MAK16: variants seen among roughly 807,000 people sequenced by gnomAD.
The protein encoded by MAK16 is MAK16 homolog, also known as protein MAK16 homolog.
A neutral mutation model predicts 49.9 loss-of-function variants in MAK16; 12 were observed. The observed-to-expected ratio is 0.24, with a 90% CI of 0.15 to 0.39. The LOEUF is 0.39. Ranked by LOEUF, MAK16 falls within the 10% of genes least tolerant of loss-of-function variation. The probability of loss-of-function intolerance (pLI) is 1.00; values close to 1 mark genes in which losing one functional copy is unlikely to be tolerated. For synonymous variants in MAK16, 115 were observed against 126.4 expected (o/e 0.91, Z 0.60); for missense variants, 292 against 363.7 (o/e 0.80, Z 1.60).
intron 6 of MAK16, among the ~76,000 whole-genome samples, chr8:33,494,883 A>G (rs1006451268): frequency 6.6e-5 from 10 of 151,846 alleles, no homozygotes; most frequent in African/African-American, 2.2e-4. Flanking sequence ...GGTTCACACC[A>G]TTCTCCTGCC....
intron 7 of MAK16, among the ~76,000 whole-genome samples, chr8:33,496,420 A>G (rs924595131): frequency 2.6e-5 from 4 of 152,186 alleles, no homozygotes; most frequent in Non-Finnish European, 4.4e-5. Context: ...GAAGTTACCT[A>G]TTTGATACTA....
chr8:33,487,464 C>T (rs1489927997), intron 1 of MAK16, among the ~76,000 whole-genome samples: 2 of 149,912 alleles, frequency 1.3e-5, no homozygotes, highest in African/African-American at 2.5e-5. Flanking sequence ...CTCACTCTGT[C>T]GCCCAGGCTG....
chr8:33,486,823 T>C (rs765494209), intron 1 of MAK16, among the ~76,000 whole-genome samples: 2 of 152,198 alleles, frequency 1.3e-5, no homozygotes, highest in Non-Finnish European at 2.9e-5. Context: ...CTTGTGGATA[T>C]GTTAATATTT....
chr8:33,494,235 G>A lies in MAK16; in HGVS notation c.448-1307G>A, dbSNP rs544085248. On this transcript the variant is annotated intron_variant, in intron 6 of 9. Coordinates refer to ENST00000360128, the MANE Select transcript of MAK16 (RefSeq NM_032509.4). ...ATTACAGGCATACACCACTCTGCCC[G>A]GCTAATTTTTTGTGTTTTTAGTAGA... 8.5e-5 allele frequency among the ~76,000 whole-genome samples: 13 copies of A among 152,134 alleles called. No homozygotes were observed. In the South Asian group the frequency reaches 1.0e-3, roughly 12 times the overall value.
At chr8:33,487,654 C>G (rs1272919132) in intron 1 of MAK16, among the ~76,000 whole-genome samples, 1 of 147,492 alleles carries the variant, frequency 6.8e-6, no homozygotes, top group Non-Finnish European at 1.5e-5. Flanking sequence ...AACTCCCAAC[C>G]TCAAGTGATC....
intron 9 of MAK16, among the ~76,000 whole-genome samples, 167 bp downstream of exon 9, chr8:33,497,464 G>A (rs1016103603): frequency 6.6e-6 from 1 of 150,456 alleles, no homozygotes; most frequent in Non-Finnish European, 1.5e-5. Context: ...CCAGCCTGAA[G>A]AACATAGTGA....
At chr8:33,491,321 G>C (rs1375342356) in intron 6 of MAK16, among the ~76,000 whole-genome samples, 1 of 152,180 alleles carries the variant, frequency 6.6e-6, no homozygotes, top group African/African-American at 2.4e-5. Context: ...AGATGGTATG[G>C]TAGCTCTAGT....
rs763219050 is a variant in MAK16 at position 33,498,487 on chromosome 8, G to C, written c.761G>C (p.Ser254Thr). ...SDEDQDGKSS[S>T]EEEEEKALSA... Reference sequence around the variant, plus strand: ...GAAGATCAGGATGGTAAATCCTCCAGTGAGGAGGAGGAAGAAAAGGCCCTT... The same window carrying C: ...GAAGATCAGGATGGTAAATCCTCCACTGAGGAGGAGGAAGAAAAGGCCCTT... Residue 254 changes from serine to threonine, a missense_variant, in exon 10 of 10, where the codon AGT (serine) becomes ACT (threonine). By Grantham distance (58) the Ser-to-Thr change is moderately conservative. Transcript: ENST00000360128. The C allele has an allele frequency of 6.2e-7, 1 of 1,614,022 alleles. No homozygotes were observed. Among genetic ancestry groups the C allele is most frequent in the Admixed American group, 1.7e-5 (1 of 60,000 alleles).
chr8:33,492,682 G>A (rs751433151), intron 6 of MAK16, among the ~76,000 whole-genome samples: 13 of 152,042 alleles, frequency 8.6e-5, no homozygotes, highest in East Asian at 1.9e-4. Flanking sequence ...TTCGTGGCAC[G>A]TTTGTCGAAA....
At chr8:33,498,019 C>G (rs764823310) in intron 9 of MAK16, among the ~76,000 whole-genome samples, 1 of 151,130 alleles carries the variant, frequency 6.6e-6, no homozygotes, top group Non-Finnish European at 1.5e-5. Context: ...TCGCTTGAAC[C>G]TAGGAGATGG....
chr8:33,500,179 T>C lies in MAK16; in HGVS notation c.*1550T>C. The C allele has an allele frequency of 1.3e-6, 1 of 799,144 alleles. No homozygotes were observed. Among genetic ancestry groups the C allele is most frequent in the Non-Finnish European group, 2.0e-6 (1 of 509,028 alleles). The allele number at this position is 799,144 out of a possible 1,614,324, so 49.5% of individuals were successfully genotyped here. On this transcript the variant is annotated 3_prime_UTR_variant, in exon 10 of 10. Coordinates refer to ENST00000360128, the MANE Select transcript of MAK16 (RefSeq NM_032509.4). ...GAATAAGAAAAAAGATCAAGCTCTT[T>C]TGAGGCTAGAGGGCTCATATGGAGA...
intron 1 of MAK16, among the ~76,000 whole-genome samples, chr8:33,486,819 G>A (rs906757019): frequency 1.1e-4 from 17 of 152,202 alleles, no homozygotes; most frequent in African/African-American, 3.9e-4. Context: ...ACTCCTTGTG[G>A]ATATGTTAAT....
chr8:33,500,480 T>A lies in MAK16; in HGVS notation c.*1851T>A. ...AGGGCCTTCAGTAAGACCACAAGTC[T>A]GCAGGAAACTCTGGAATCAGGAAGA... On this transcript the variant is annotated 3_prime_UTR_variant, in exon 10 of 10. Coordinates refer to ENST00000360128, the MANE Select transcript of MAK16 (RefSeq NM_032509.4). 1 of 1,614,102 alleles carries A rather than the reference T, an allele frequency of 6.2e-7. No individual in the cohort carries two copies. Among genetic ancestry groups the A allele is most frequent in the Non-Finnish European group, 8.5e-7 (1 of 1,180,004 alleles).
intron 1 of MAK16, among the ~76,000 whole-genome samples, chr8:33,487,553 G>A (rs1808708065): frequency 6.6e-6 from 1 of 151,698 alleles, no homozygotes; most frequent in Admixed American, 6.6e-5. Flanking sequence ...AGCCTCTCAA[G>A]TAGCTGGGAT....
At chr8:33,492,635 C>T (rs1041553168) in intron 6 of MAK16, among the ~76,000 whole-genome samples, 3 of 152,140 alleles carry the variant, frequency 2.0e-5, no homozygotes, top group African/African-American at 7.2e-5. Context: ...TTTTCCAGCA[C>T]CATTTATTGA....
rs150544823 is a variant in MAK16, at chr8:33,488,856, T to C, written c.240+58T>C. ...GATCAAGAGCATCAAAGCCACATGCTTGACCATGATGCCCAATTCCATGAC... is the reference window on the plus strand; with the variant it reads ...GATCAAGAGCATCAAAGCCACATGCCTGACCATGATGCCCAATTCCATGAC... On this transcript the variant is annotated intron_variant, in intron 4 of 9. Transcript: ENST00000360128. The C allele has an allele frequency of 1.5e-4, 237 of 1,603,124 alleles. No homozygotes were observed. In the African/African-American group the frequency reaches 2.8e-3, roughly 19 times the overall value.
In MAK16 at chr8:33,488,415, C is replaced by G. The variant is rs1808721162; in HGVS notation, c.53C>G (p.Ser18Cys). The change falls in exon 2 of 10, where the codon TCC becomes TGC. Residue 18 changes from serine to cysteine, a missense_variant. Ser to Cys is a moderately radical substitution (Grantham distance 112). Coordinates refer to ENST00000360128, the MANE Select transcript of MAK16 (RefSeq NM_032509.4). ...WDTLGNKQFC[S>C]FKIRTKTQSF... ...ACACTAGGAAACAAGCAATTTTGTT[C>G]CTTCAAAATAAGGTGAGTCTCAATT... 6.2e-7 allele frequency: 1 copy of G among 1,614,112 alleles called. No homozygotes were observed. The highest frequency in any genetic ancestry group is 8.5e-7 in the Non-Finnish European group (1 of 1,180,014).
chr8:33,490,117 G>C (rs937656941), intron 5 of MAK16, among the ~76,000 whole-genome samples, 168 bp from the exon 6 acceptor site: 1 of 152,146 alleles, frequency 6.6e-6, no homozygotes. Context: ...GGGCTCCAAG[G>C]CTTGTTTGAA....
Position 33,489,576 on chromosome 8 carries a change from C to T in MAK16, c.392+437C>T, listed in dbSNP as rs1043317649. ...TGTATTTTTAGTAGAGATGGGGTTT[C>T]ACCATGTTGGCCAGGCTGGTCTAGA... On this transcript the variant is annotated intron_variant, in intron 5 of 9. Transcript: ENST00000360128. The surrounding 1 kb of genome is among the most constrained non-coding windows in gnomAD (Gnocchi z 4.2). Among the ~76,000 whole-genome samples the T allele has an allele frequency of 1.3e-5, 2 of 152,102 alleles. No individual in the cohort carries two copies. Among genetic ancestry groups the T allele is most frequent in the Non-Finnish European group, 2.9e-5 (2 of 68,016 alleles).
Sources: gnomAD v4.1 joint callset for allele counts (sites outside exome capture counted in the v4.1 genomes callset) on GRCh38, gnomAD v4.1.1 for gene constraint, Gnocchi (gnomAD v3.1) non-coding constraint, MANE v1.5 for transcripts, NCBI Gene and HGNC (gene_info 2026-07-23, HGNC 2026-07-21) for gene names.